The following PAGE2B variants were observed in gnomAD, a reference collection of about 807,000 sequenced individuals.
PAGE2B encodes putative G antigen family E member 3.
Under a neutral mutation model 7.6 loss-of-function variants are expected in PAGE2B, and 5 were observed. That is an observed-to-expected ratio of 0.66 (90% CI 0.34 to 1.38). The LOEUF is 1.38. Ranked by LOEUF, PAGE2B falls within the 40% of genes most tolerant of loss-of-function variation. The pLI is 0.04. For missense variants in PAGE2B, 70 were observed against 78.4 expected (o/e 0.89, Z 0.41); for synonymous variants, 29 against 26.7 (o/e 1.09, Z -0.27).
upstream of PAGE2B, among the ~76,000 whole-genome samples, chrX:55,071,033 A>T (rs1349943538): frequency 8.9e-6 from 1 of 112,093 alleles, no homozygotes; most frequent in African/African-American, 3.2e-5. Flanking sequence ...GCCCATTTAC[A>T]TTTAAGGTCA....
At chrX:55,062,910 T>C in the PAGE2B span, among the ~76,000 whole-genome samples, 1 of 111,733 alleles carries the variant, frequency 8.9e-6, no homozygotes, top group East Asian at 2.8e-4. Flanking sequence ...GAGTTTGCTG[T>C]AGATGTGTGA....
At chrX:55,039,035 T>A in the PAGE2B span, among the ~76,000 whole-genome samples, 1 of 111,863 alleles carries the variant, frequency 8.9e-6, no homozygotes, top group African/African-American at 3.2e-5. Context: ...AGACAGTACA[T>A]TGGCACTAGT....
At chrX:55,035,445 C>G in the PAGE2B span, among the ~76,000 whole-genome samples, 1 of 111,485 alleles carries the variant, frequency 9.0e-6, no homozygotes, top group East Asian at 2.8e-4. Flanking sequence ...AGGGGCAATC[C>G]AGGCAGAGGG....
the PAGE2B span, among the ~76,000 whole-genome samples, chrX:55,049,620 G>T: frequency 9.0e-6 from 1 of 111,612 alleles, no homozygotes; most frequent in Non-Finnish European, 1.9e-5. Context: ...TTCTCTGATG[G>T]TAGTTTGTAT....
the PAGE2B span, among the ~76,000 whole-genome samples, chrX:55,040,484 A>G: frequency 3.6e-5 from 4 of 111,761 alleles, no homozygotes; most frequent in African/African-American, 1.3e-4. Context: ...CCAAAAAGGA[A>G]GAAAATTCTG....
the PAGE2B span, among the ~76,000 whole-genome samples, chrX:55,056,598 CT>C: frequency 9.1e-6 from 1 of 110,060 alleles, no homozygotes; most frequent in African/African-American, 3.3e-5. Flanking sequence ...GAGTGATGGC[CT>C]GGGGGTGATT....
At chrX:55,071,261 C>T (rs1171155732), upstream of PAGE2B, among the ~76,000 whole-genome samples, 8 of 111,003 alleles carry the variant, frequency 7.2e-5, no homozygotes, top group Non-Finnish European at 1.1e-4. Context: ...CAAAATCTCT[C>T]GGCATTTGCT....
chrX:55,045,889 C>T, the PAGE2B span, among the ~76,000 whole-genome samples: 10 of 111,315 alleles, frequency 9.0e-5, no homozygotes, highest in African/African-American at 2.3e-4. Flanking sequence ...ATGGCTGCTA[C>T]GTTGCACGGT....
the PAGE2B span, among the ~76,000 whole-genome samples, chrX:55,048,977 C>A: frequency 9.0e-6 from 1 of 111,554 alleles, no homozygotes; most frequent in Non-Finnish European, 1.9e-5. Context: ...TGAGATAAGT[C>A]CCATCAATAC....
chrX:55,076,509 A>G, intron 2 of PAGE2B, 60 bp from the exon 3 acceptor site: 3 of 1,015,189 alleles, frequency 3.0e-6, no homozygotes, highest in Non-Finnish European at 4.1e-6. Context: ...TTCGATGCAC[A>G]TATGCATTTG....
At chrX:55,067,471 A>G in the PAGE2B span, among the ~76,000 whole-genome samples, 17 of 111,856 alleles carry the variant, frequency 1.5e-4, no homozygotes, top group Admixed American at 1.6e-3. Flanking sequence ...AATTTGGGCT[A>G]GTTCCAAGTC....
the PAGE2B span, among the ~76,000 whole-genome samples, chrX:55,065,038 A>T: frequency 8.9e-6 from 1 of 111,971 alleles, no homozygotes; most frequent in South Asian, 3.7e-4. Context: ...GTTGGATAAA[A>T]TGTTCTGTAA....
At chrX:55,056,844 A>G in the PAGE2B span, among the ~76,000 whole-genome samples, 1 of 111,163 alleles carries the variant, frequency 9.0e-6, no homozygotes, top group Admixed American at 9.7e-5. Context: ...GAAAAGATGG[A>G]GCCTTTTGCC....
chrX:55,044,492 A>G, the PAGE2B span, among the ~76,000 whole-genome samples: 3 of 111,348 alleles, frequency 2.7e-5, no homozygotes, highest in African/African-American at 9.8e-5. Flanking sequence ...AAGACTACAC[A>G]TTGAGTACAG....
At chrX:55,043,597 A>T in the PAGE2B span, among the ~76,000 whole-genome samples, 1 of 111,730 alleles carries the variant, frequency 9.0e-6, no homozygotes, top group South Asian at 3.7e-4. Flanking sequence ...AACATCACTA[A>T]TTATCAGATA....
At chrX:55,038,240 A>T in the PAGE2B span, among the ~76,000 whole-genome samples, 3 of 110,400 alleles carry the variant, frequency 2.7e-5, no homozygotes, top group Admixed American at 9.7e-5. Flanking sequence ...TGTAAAAAAA[A>T]TTTTGCCTTT....
chrX:55,041,712 C>T, the PAGE2B span, among the ~76,000 whole-genome samples: 2 of 111,665 alleles, frequency 1.8e-5, no homozygotes, highest in African/African-American at 6.5e-5. Context: ...CCCCCACAGG[C>T]TCTGGGGCAG....
the PAGE2B span, among the ~76,000 whole-genome samples, chrX:55,043,443 A>G: frequency 9.0e-6 from 1 of 111,418 alleles, no homozygotes; most frequent in East Asian, 2.8e-4. Context: ...TACACATTCG[A>G]CAAAGGACTA....
the PAGE2B span, among the ~76,000 whole-genome samples, chrX:55,038,381 A>C: frequency 1.8e-5 from 2 of 112,145 alleles, no homozygotes; most frequent in Non-Finnish European, 3.8e-5. Context: ...TGGATTAAAA[A>C]CATCACTGGA....
Sources: gnomAD v4.1 joint callset for allele counts (sites outside exome capture counted in the v4.1 genomes callset) on GRCh38, gnomAD v4.1.1 for gene constraint, MANE v1.5 for transcripts, NCBI Gene and HGNC (gene_info 2026-07-23, HGNC 2026-07-21) for gene names.